Variants in INF2 observed in about 807,000 individuals in gnomAD.
INF2 encodes the protein inverted formin-2.
INF2 carries 43 observed loss-of-function variants against 123.5 expected under a neutral mutation model. The ratio of observed to expected loss-of-function variants is 0.35; its 90% CI spans 0.27 to 0.45. The LOEUF (loss-of-function observed/expected upper bound fraction) is 0.45, where lower values mean the gene tolerates loss of function less well. Ranked by LOEUF, INF2 falls within the 20% of genes least tolerant of loss-of-function variation. The pLI is 1.00. For missense variants in INF2, 1,453 were observed against 1,682.7 expected (o/e 0.86, Z 2.39); for synonymous variants, 851 against 745.0 (o/e 1.14, Z -2.32).
intron 12 of INF2, 93 bp downstream of exon 12, chr14:104,709,798 G>C: frequency 1.7e-6 from 2 of 1,189,058 alleles, no homozygotes; most frequent in Non-Finnish European, 2.5e-6. Flanking sequence ...AGGAGAAGAG[G>C]CTGTGCCAAT....
upstream of INF2, chr14:104,689,590 T>TCA: frequency 1.5e-6 from 1 of 646,936 alleles, no homozygotes; most frequent in Non-Finnish European, 1.9e-6. Flanking sequence ...CTCCTCTTCC[T>TCA]CCCGCCCGCC....
rs149858291 is a variant in INF2, at chr14:104,703,426, G to A, written c.639G>A (p.Ala213=). ...AVILGPEDLR[A]RTQLRNEFIG... ...TCTTGGGCCCCGAGGACCTGCGCGC[G>A]CGCACCCAGCTGCGGAACGAGTTTA... Residue 213 remains alanine (A), a synonymous_variant, in exon 4 of 23, where the codon GCG becomes GCA. Coordinates refer to ENST00000392634, the MANE Select transcript of INF2 (RefSeq NM_022489.4). The A allele has an allele frequency of 7.9e-5, 127 of 1,612,726 alleles. No individual in the cohort carries two copies. In the African/African-American group the frequency reaches 9.1e-4, roughly 12 times the overall value.
rs531104675 is a variant in INF2 at position 104,712,693 on chromosome 14, G to A, written c.2611-135G>A. The A allele has an allele frequency of 8.6e-5, 127 of 1,481,350 alleles. No individual in the cohort carries two copies. The East Asian group carries it at 2.9e-3, about 34-fold the overall frequency. The allele number at this position is 1,481,350 out of a possible 1,614,324, so 91.8% of individuals were successfully genotyped here. A position where few individuals can be genotyped will look rare whatever the true frequency, so the allele number is the denominator to read the frequency against. On this transcript the variant is annotated intron_variant, in intron 17 of 22. Transcript: ENST00000392634. Reference sequence around the variant, plus strand: ...CCAGGTGTGCATGGTCAGGGCACAGGCCCCTGCTCCTTGTCAGAGACCACC... The same window carrying A: ...CCAGGTGTGCATGGTCAGGGCACAGACCCCTGCTCCTTGTCAGAGACCACC...
intron 1 of INF2, among the ~76,000 whole-genome samples, chr14:104,682,804 T>C (rs1888558019): frequency 6.6e-6 from 1 of 151,898 alleles, no homozygotes; most frequent in African/African-American, 2.4e-5. Context: ...ACTCCTAAAA[T>C]CCTCACGTCC....
At position 104,703,445 on chromosome 14, in the gene INF2, G is replaced by A. The variant is rs530391015; in HGVS notation, c.658G>A (p.Glu220Lys). Reference protein sequence around the residue: ...DLRARTQLRNEFIGLQLLDVL... With the variant: ...DLRARTQLRNKFIGLQLLDVL... ...GCGCGCGCGCACCCAGCTGCGGAACGAGTTTATCGGTAAGCACCTGCCCTG... is the reference window on the plus strand; with the variant it reads ...GCGCGCGCGCACCCAGCTGCGGAACAAGTTTATCGGTAAGCACCTGCCCTG... Residue 220 changes from glutamate (E) to lysine (K), a missense_variant, in exon 4 of 23, where the codon GAG (glutamate) becomes AAG (lysine). By Grantham distance (56) the Glu-to-Lys change is moderately conservative. Coordinates refer to ENST00000392634, the MANE Select transcript of INF2 (RefSeq NM_022489.4). 6.2e-7 allele frequency: 1 copy of A among 1,612,070 alleles called. No homozygotes were observed. The highest frequency in any genetic ancestry group is 8.5e-7 in the Non-Finnish European group (1 of 1,179,874).
At chr14:104,682,519 C>T (rs1398617334) in intron 1 of INF2, among the ~76,000 whole-genome samples, 1 of 152,162 alleles carries the variant, frequency 6.6e-6, no homozygotes, top group Non-Finnish European at 1.5e-5. Flanking sequence ...GGACAGCCAT[C>T]CGGCCTTTGG....
exon 1 of INF2, chr14:104,681,274 A>G (rs1472111670): frequency 2.7e-6 from 1 of 368,010 alleles, no homozygotes; most frequent in Non-Finnish European, 5.4e-6. Context: ...GGGCCTCATC[A>G]ATGCCCCATG....
upstream of INF2, among the ~76,000 whole-genome samples, chr14:104,686,961 T>C (rs2140578949): frequency 6.6e-6 from 1 of 152,316 alleles, no homozygotes; most frequent in African/African-American, 2.4e-5. Context: ...ACTCTTGCAC[T>C]CTGTGCCAGT....
intron 16 of INF2, 58 bp downstream of exon 16, chr14:104,711,757 C>T (rs1890057587): frequency 1.3e-6 from 2 of 1,540,538 alleles, no homozygotes; most frequent in Non-Finnish European, 1.8e-6. Flanking sequence ...ACTTCTGTCC[C>T]CAGGCAGTGA....
At chr14:104,695,025 G>A (rs961771296) in intron 1 of INF2, among the ~76,000 whole-genome samples, 4 of 152,170 alleles carry the variant, frequency 2.6e-5, no homozygotes, top group Admixed American at 2.0e-4. Flanking sequence ...CTGGGGCCTC[G>A]GAGGAGGCAT....
chr14:104,714,646 A>C lies in INF2; in HGVS notation c.3484A>C (p.Arg1162=). ...GGACGCTGTCCACAGCCGTGGTGCC[A>C]GACCCCCTGCAGCAGGCCCAGGTGG... ...LEDAVHSRGA[R]PPAAGPGGDE... is the part of the protein sequence containing the mutation. The change falls in exon 21 of 23, where the codon AGA becomes CGA. Residue 1162 remains arginine, a synonymous_variant. Coordinates refer to ENST00000392634, the MANE Select transcript of INF2 (RefSeq NM_022489.4). 3 of 1,612,490 alleles carry C rather than the reference A, an allele frequency of 1.9e-6. No homozygotes were observed. Among genetic ancestry groups the C allele is most frequent in the Non-Finnish European group, 2.5e-6 (3 of 1,179,748 alleles).
At chr14:104,694,739 C>G (rs1889106965) in intron 1 of INF2, among the ~76,000 whole-genome samples, 1 of 152,182 alleles carries the variant, frequency 6.6e-6, no homozygotes, top group Admixed American at 6.5e-5. Context: ...AGCCTCTCCC[C>G]CACTCTCAAT....
chr14:104,688,089 G>A (rs1002641732), upstream of INF2, among the ~76,000 whole-genome samples: 5 of 152,276 alleles, frequency 3.3e-5, no homozygotes, highest in South Asian at 2.1e-4. Context: ...CCTGGAGCCC[G>A]GTGTGGAGGG....
chr14:104,682,828 C>G (rs1435234096), intron 1 of INF2, among the ~76,000 whole-genome samples: 2 of 152,176 alleles, frequency 1.3e-5, no homozygotes, highest in Non-Finnish European at 2.9e-5. Flanking sequence ...CCGGACAAGT[C>G]TAGCCTCCAG....
At chr14:104,692,584 T>G (rs957021489) in intron 1 of INF2, among the ~76,000 whole-genome samples, 1 of 152,082 alleles carries the variant, frequency 6.6e-6, no homozygotes, top group Non-Finnish European at 1.5e-5. Context: ...GCCTCCAAAC[T>G]CGGGGGTTGG....
chr14:104,707,758 G>T lies in INF2; in HGVS notation c.1491G>T (p.Leu497Phe). Reference sequence around the variant, plus strand: ...CACCACCTCCACCACTCCCGGGCTTGGGATGCCCGCCCCCACCCCCACCCC... The same window carrying T: ...CACCACCTCCACCACTCCCGGGCTTTGGATGCCCGCCCCCACCCCCACCCC... The part of the protein sequence containing the change: ...LPPPPPPLPG[L>F]GCPPPPPPLL... Residue 497 changes from leucine (L) to phenylalanine (F), a missense_variant, in exon 8 of 23, where the codon TTG becomes TTT. Physicochemically the swap from Leu to Phe is conservative, Grantham distance 22. Coordinates refer to ENST00000392634, the MANE Select transcript of INF2 (RefSeq NM_022489.4). 7.6e-7 allele frequency: 1 copy of T among 1,309,842 alleles called. No homozygotes were observed. Among genetic ancestry groups the T allele is most frequent in the Non-Finnish European group, 1.1e-6 (1 of 950,670 alleles). 81.1% of individuals were successfully genotyped at this position (1,309,842 alleles called of 1,614,324 possible). A position where few individuals can be genotyped will look rare whatever the true frequency, so the allele number is the denominator to read the frequency against.
At chr14:104,712,315 G>A in intron 16 of INF2, 118 bp from the exon 17 acceptor site, 1 of 1,359,750 alleles carries the variant, frequency 7.4e-7, no homozygotes, top group Non-Finnish European at 1.0e-6. Context: ...TGCAGCCTCA[G>A]AGTACAGCCT....
In INF2 at chr14:104,684,105, G is replaced by A. The variant is rs778462336; in HGVS notation, c.-104+2523G>A. The A allele has an allele frequency of 1.4e-4, 65 of 455,912 alleles. No individual in the cohort carries two copies. The highest frequency in any genetic ancestry group is 3.0e-4 in the African/African-American group (15 of 50,070). 28.2% of individuals were successfully genotyped at this position (455,912 alleles called of 1,614,324 possible). On this transcript the variant is annotated intron_variant, in intron 1 of 2. Transcript: ENST00000674723. This position sits in a 1 kb window ranked among gnomAD's most constrained non-coding sequence, Gnocchi z 5.0. The stretch of plus-strand genomic sequence containing the variant: ...TAAGCAAAAGATGGCACGGACCCCC[G>A]ACATAAGACAGTTCAAAGCTGAGCG...
At chr14:104,689,607 G>A (rs1340829996), upstream of INF2, 2 of 235,066 alleles carry the variant, frequency 8.5e-6, no homozygotes, top group Non-Finnish European at 1.3e-5. Context: ...CGCCCCGCCC[G>A]CCCCGCGCCC....
Sources: gnomAD v4.1 joint callset for allele counts (sites outside exome capture counted in the v4.1 genomes callset) on GRCh38, gnomAD v4.1.1 for gene constraint, Gnocchi (gnomAD v3.1) non-coding constraint, MANE v1.5 for transcripts, NCBI Gene and HGNC (gene_info 2026-07-23, HGNC 2026-07-21) for gene names.